CCDC91: variants seen among roughly 807,000 people sequenced by gnomAD.
CCDC91 encodes coiled-coil domain-containing protein 91.
A neutral mutation model predicts 63.2 loss-of-function variants in CCDC91; 48 were observed. That is an observed-to-expected ratio of 0.76 (90% CI 0.60 to 0.97). The LOEUF (loss-of-function observed/expected upper bound fraction) is 0.97. CCDC91 is among the 50% of genes least tolerant of loss of function. CCDC91 has a pLI of 0.00. For synonymous variants in CCDC91, 167 were observed against 165.8 expected (o/e 1.01, Z -0.06); for missense variants, 500 against 494.6 (o/e 1.01, Z -0.10).
chr12:28,214,966 A>G (rs1455139980), intron 1 of CCDC91, among the ~76,000 whole-genome samples: 2 of 152,198 alleles, frequency 1.3e-5, no homozygotes, highest in Non-Finnish European at 2.9e-5. Context: ...TATTCTAGGT[A>G]TGTCTTTGAG....
At chr12:28,323,317 G>A (rs1172603762) in intron 6 of CCDC91, among the ~76,000 whole-genome samples, 2 of 151,766 alleles carry the variant, frequency 1.3e-5, no homozygotes, top group African/African-American at 2.4e-5. Context: ...TATTGATAGA[G>A]TGAGATAGAG....
intron 1 of CCDC91, among the ~76,000 whole-genome samples, chr12:28,206,962 A>G (rs772324729): frequency 2.6e-5 from 4 of 152,304 alleles, no homozygotes; most frequent in South Asian, 2.1e-4. Context: ...GAGTGAATCA[A>G]TGTTCTGTTT....
intron 8 of CCDC91, among the ~76,000 whole-genome samples, chr12:28,421,040 A>C (rs1195390333): frequency 1.3e-5 from 2 of 152,064 alleles, no homozygotes; most frequent in Non-Finnish European, 1.5e-5. Context: ...CAGTGGAATT[A>C]CTATATGCAA....
intron 7 of CCDC91, among the ~76,000 whole-genome samples, chr12:28,377,425 G>C (rs1401171705): frequency 1.3e-5 from 2 of 151,480 alleles, no homozygotes; most frequent in Non-Finnish European, 3.0e-5. Context: ...AAAATAGCCT[G>C]AAAAAGGCAA....
chr12:28,412,807 T>C (rs1947399998), intron 8 of CCDC91: 1 of 453,672 alleles, frequency 2.2e-6, no homozygotes, highest in Non-Finnish European at 4.4e-6. Flanking sequence ...ATCCTGCTGA[T>C]TGGTGCGTTT....
chr12:28,232,839 G>T (rs1944685578), intron 1 of CCDC91, among the ~76,000 whole-genome samples: 1 of 151,778 alleles, frequency 6.6e-6, no homozygotes, highest in Non-Finnish European at 1.5e-5. Flanking sequence ...AAATTAGCTG[G>T]GCGTGTTGGT....
At chr12:28,346,103 T>G (rs1942793118) in intron 6 of CCDC91, among the ~76,000 whole-genome samples, 1 of 152,296 alleles carries the variant, frequency 6.6e-6, no homozygotes, top group East Asian at 1.9e-4. Context: ...TAATTGACAC[T>G]TCTGTCTCTC....
rs1364053512 is a variant in CCDC91, at chr12:28,273,375, A to G, written c.109+13933A>G. ...TACCCAGTAATGGGATTGCTGGGTCAAATGGTATTTCTAGTTCTAGATCCC... is the reference window on the plus strand; with the variant it reads ...TACCCAGTAATGGGATTGCTGGGTCGAATGGTATTTCTAGTTCTAGATCCC... On this transcript the variant is annotated intron_variant, in intron 3 of 12. Transcript: ENST00000536442. Among the ~76,000 whole-genome samples the G allele has an allele frequency of 3.9e-5, 6 of 152,206 alleles. No homozygotes were observed. In the South Asian group the frequency reaches 8.3e-4, roughly 21 times the overall value.
chr12:28,479,083 TAGCATTTGACCC>T (rs1429170143), intron 11 of CCDC91, among the ~76,000 whole-genome samples: 1 of 152,158 alleles, frequency 6.6e-6, no homozygotes, highest in African/African-American at 2.4e-5. Flanking sequence ...GAACTAGAAA[TAGCATTTGACCC>T]AGCCATCCCA....
At chr12:28,404,480 G>A (rs1189054170) in intron 8 of CCDC91, among the ~76,000 whole-genome samples, 1 of 152,020 alleles carries the variant, frequency 6.6e-6, no homozygotes, top group African/African-American at 2.4e-5. Context: ...GCTATTGCTG[G>A]TTGCAGTATA....
At chr12:28,495,166 A>C (rs1395684346) in intron 12 of CCDC91, among the ~76,000 whole-genome samples, 1 of 151,716 alleles carries the variant, frequency 6.6e-6, no homozygotes, top group Non-Finnish European at 1.5e-5. Flanking sequence ...GAGGATTTAC[A>C]GTCTCTATCT....
At chr12:28,451,013 C>T (rs1303132453) in intron 10 of CCDC91, among the ~76,000 whole-genome samples, 1 of 151,554 alleles carries the variant, frequency 6.6e-6, no homozygotes, top group Non-Finnish European at 1.5e-5. Flanking sequence ...AGGAGGAATG[C>T]ACTAAATTAT....
chr12:28,277,832 T>C (rs189553094), intron 3 of CCDC91, among the ~76,000 whole-genome samples: 1 of 152,180 alleles, frequency 6.6e-6, no homozygotes, highest in East Asian at 1.9e-4. Context: ...AGTTTAGAAC[T>C]ACCCTAAGTT....
chr12:28,345,627 CT>C (rs1050517523), intron 6 of CCDC91, among the ~76,000 whole-genome samples: 1 of 151,930 alleles, frequency 6.6e-6, no homozygotes, highest in Non-Finnish European at 1.5e-5. Flanking sequence ...ATTTCTAAAG[CT>C]TTTTTTAATG....
At chr12:28,437,548 C>A (rs1454014100) in intron 8 of CCDC91, among the ~76,000 whole-genome samples, 1 of 152,032 alleles carries the variant, frequency 6.6e-6, no homozygotes, top group African/African-American at 2.4e-5. Flanking sequence ...ACCTTTACAG[C>A]TAGATTCTTC....
intron 12 of CCDC91, among the ~76,000 whole-genome samples, chr12:28,538,808 G>T (rs1942398339): frequency 6.6e-6 from 1 of 152,146 alleles, no homozygotes; most frequent in Non-Finnish European, 1.5e-5. Flanking sequence ...TCTAACTGGT[G>T]TGAGATGGTA....
chr12:28,542,273 A>G (rs1942681802), intron 12 of CCDC91, among the ~76,000 whole-genome samples: 1 of 152,070 alleles, frequency 6.6e-6, no homozygotes, highest in Non-Finnish European at 1.5e-5. Context: ...CTTACCAGGC[A>G]TCTTTAAAAC....
intron 1 of CCDC91, among the ~76,000 whole-genome samples, chr12:28,223,767 TAATTC>T (rs1367731737): frequency 6.6e-6 from 1 of 152,242 alleles, no homozygotes; most frequent in African/African-American, 2.4e-5. Context: ...AGATTTAATT[TAATTC>T]ATTTTATCTT....
chr12:28,295,636 A>G (rs1592232016), intron 3 of CCDC91, among the ~76,000 whole-genome samples: 1 of 152,202 alleles, frequency 6.6e-6, no homozygotes, highest in South Asian at 2.1e-4. Flanking sequence ...ATATAGTGCT[A>G]CTCTACGATT....
Sources: allele counts gnomAD v4.1 joint callset (sites outside exome capture counted in the v4.1 genomes callset), GRCh38; gene constraint gnomAD v4.1.1; transcripts MANE v1.5; gene names NCBI Gene and HGNC (gene_info 2026-07-23, HGNC 2026-07-21).